Variants in CSMD1 observed in about 807,000 individuals in gnomAD.
The protein encoded by CSMD1 is CUB and sushi domain-containing protein 1.
In CSMD1, 213 loss-of-function variants were observed where a neutral mutation model predicts 417.5. The ratio of observed to expected loss-of-function variants is 0.51; its 90% confidence interval spans 0.46 to 0.57. The LOEUF (loss-of-function observed/expected upper bound fraction) is 0.57, where lower values mean the gene tolerates loss of function less well. Ranked by LOEUF, CSMD1 falls within the 20% of genes least tolerant of loss-of-function variation. CSMD1 has a pLI of 0.00. For missense variants in CSMD1, 6,923 were observed against 4,529.7 expected, an observed-to-expected ratio of 1.53 and a Z score of -15.17; for synonymous variants, 2,862 against 1,736.8, an observed-to-expected ratio of 1.65 and a Z score of -16.11.
At chr8:3,804,512 A>G (rs1800624526) in intron 5 of CSMD1, among the ~76,000 whole-genome samples, 2 of 152,220 alleles carry the variant, frequency 1.3e-5, no homozygotes, top group South Asian at 4.1e-4. Flanking sequence ...TTTAATAGCT[A>G]TAAAACATTT....
intron 26 of CSMD1, among the ~76,000 whole-genome samples, chr8:3,274,991 T>C (rs1225322083): frequency 1.3e-5 from 2 of 151,724 alleles, no homozygotes; most frequent in Non-Finnish European, 2.9e-5. Context: ...CTGGTTATTT[T>C]GCTCGTTAGT....
chr8:3,126,751 A>G (rs1289588530), intron 41 of CSMD1, among the ~76,000 whole-genome samples: 1 of 152,206 alleles, frequency 6.6e-6, no homozygotes, highest in Non-Finnish European at 1.5e-5. Flanking sequence ...TAGTCCCAGC[A>G]CCTGCTTATG....
At chr8:3,278,647 G>T (rs982421773) in intron 26 of CSMD1, 6 of 98,016 alleles carry the variant, frequency 6.1e-5, no homozygotes, top group South Asian at 3.4e-4. Flanking sequence ...TATAGGTAAA[G>T]TTCCTCGTTT....
chr8:4,423,539 A>C (rs150129503), intron 2 of CSMD1, among the ~76,000 whole-genome samples: 4 of 152,176 alleles, frequency 2.6e-5, no homozygotes, highest in African/African-American at 9.6e-5. Flanking sequence ...ACTGAAGAAA[A>C]AGTTCAAAGA....
At chr8:3,633,842 T>C (rs1007585404) in intron 7 of CSMD1, among the ~76,000 whole-genome samples, 1 of 152,174 alleles carries the variant, frequency 6.6e-6, no homozygotes, top group African/African-American at 2.4e-5. Flanking sequence ...GTGTTAAATA[T>C]CAGGCTGTGA....
chr8:3,537,675 T>G (rs1159756187), intron 10 of CSMD1, among the ~76,000 whole-genome samples: 1 of 152,254 alleles, frequency 6.6e-6, no homozygotes, highest in Non-Finnish European at 1.5e-5. Flanking sequence ...ATATATTCAT[T>G]TACAATACTT....
intron 5 of CSMD1, among the ~76,000 whole-genome samples, chr8:3,817,500 C>G (rs1387608330): frequency 6.6e-6 from 1 of 151,738 alleles, no homozygotes; most frequent in Non-Finnish European, 1.5e-5. Flanking sequence ...AGGATGGTCT[C>G]AATCTCCTGA....
chr8:4,770,500 T>G (rs1346608426), intron 1 of CSMD1, among the ~76,000 whole-genome samples: 1 of 151,606 alleles, frequency 6.6e-6, no homozygotes, highest in Non-Finnish European at 1.5e-5. Context: ...AGACCTCAAA[T>G]AGCCAAAGCA....
At chr8:4,330,861 C>T (rs1249635991) in intron 3 of CSMD1, among the ~76,000 whole-genome samples, 2 of 152,096 alleles carry the variant, frequency 1.3e-5, no homozygotes, top group Non-Finnish European at 2.9e-5. Context: ...GATTCTACAG[C>T]TCAGCAGGAA....
intron 4 of CSMD1, among the ~76,000 whole-genome samples, chr8:4,007,543 C>T (rs901078381): frequency 2.6e-5 from 4 of 152,202 alleles, no homozygotes; most frequent in African/African-American, 9.7e-5. Flanking sequence ...TTGCTTCCCA[C>T]CTCTCCATCC....
chr8:4,263,712 G>A (rs1251416699), intron 3 of CSMD1, among the ~76,000 whole-genome samples: 2 of 151,994 alleles, frequency 1.3e-5, no homozygotes, highest in East Asian at 1.9e-4. Context: ...CATCTTACTG[G>A]CAACAATAAT....
intron 37 of CSMD1, among the ~76,000 whole-genome samples, chr8:3,167,291 G>GAAAAAA (rs61026104): frequency 1.5e-4 from 15 of 102,642 alleles, no homozygotes; most frequent in East Asian, 2.7e-4. Context: ...CTTGGAAAAA[G>GAAAAAA]AAAAAAAAAA....
chr8:3,656,687 G>C (rs1378681456), intron 7 of CSMD1, among the ~76,000 whole-genome samples: 1 of 152,146 alleles, frequency 6.6e-6, no homozygotes, highest in Non-Finnish European at 1.5e-5. Flanking sequence ...CAGCACTTTG[G>C]GAGGCTGAGG....
At position 4,420,066 on chromosome 8, in the gene CSMD1, CTAAATT is replaced by C; in HGVS notation, c.303-7_303-2del. The C allele has an allele frequency of 6.5e-7, 1 of 1,550,078 alleles. No homozygotes were observed. The highest frequency in any genetic ancestry group is 8.7e-7 in the Non-Finnish European group (1 of 1,143,184). On this transcript the variant is annotated splice_acceptor_variant and splice_polypyrimidine_tract_variant and intron_variant, in intron 2 of 69. Coordinates refer to ENST00000635120, the MANE Select transcript of CSMD1 (RefSeq NM_033225.6). LOFTEE classifies it high-confidence loss of function. ...GGAGGGCAGCTGAAATCCCGATAAT[CTAAATT>C]TAAAAGACAAGACACAAAGAGAGTT...
At chr8:4,560,185 T>C (rs936102137) in intron 2 of CSMD1, among the ~76,000 whole-genome samples, 2 of 152,166 alleles carry the variant, frequency 1.3e-5, no homozygotes, top group Non-Finnish European at 2.9e-5. Flanking sequence ...CTTTCTCAGT[T>C]CCATGCTGCA....
chr8:3,234,114 A>G (rs1799013276), intron 26 of CSMD1, among the ~76,000 whole-genome samples: 1 of 152,164 alleles, frequency 6.6e-6, no homozygotes, highest in African/African-American at 2.4e-5. Context: ...CCCTGAGCCA[A>G]GGGACTCTGA....
intron 2 of CSMD1, among the ~76,000 whole-genome samples, chr8:4,476,330 T>C (rs894784542): frequency 2.0e-5 from 3 of 152,190 alleles, no homozygotes; most frequent in African/African-American, 7.2e-5. Flanking sequence ...ACATGTCAAA[T>C]TTAGGATCAT....
chr8:4,671,558 C>T (rs1456838113), intron 1 of CSMD1, among the ~76,000 whole-genome samples: 1 of 152,192 alleles, frequency 6.6e-6, no homozygotes, highest in Admixed American at 6.5e-5. Flanking sequence ...TTCCTCTCCA[C>T]GTGAATTCAC....
intron 3 of CSMD1, among the ~76,000 whole-genome samples, chr8:4,366,923 T>C (rs1391015972): frequency 2.6e-5 from 4 of 152,106 alleles, no homozygotes; most frequent in African/African-American, 9.7e-5. Flanking sequence ...TTGTCTAAGT[T>C]CCCTACAGAT....
Sources: allele counts gnomAD v4.1 joint callset (sites outside exome capture counted in the v4.1 genomes callset), GRCh38; gene constraint gnomAD v4.1.1; transcripts MANE v1.5; gene names NCBI Gene and HGNC (gene_info 2026-07-23, HGNC 2026-07-21).